REPS2: variants seen among roughly 807,000 people sequenced by gnomAD.
The protein encoded by REPS2 is RALBP1 associated Eps domain containing 2.
REPS2 carries 23 observed loss-of-function variants against 53.6 expected under a neutral mutation model. The observed-to-expected ratio is 0.43, with a 90% CI of 0.31 to 0.61. The LOEUF (loss-of-function observed/expected upper bound fraction) is 0.61, where lower values mean the gene tolerates loss of function less well. REPS2 is among the 20% of genes least tolerant of loss of function. The pLI, the probability that REPS2 is intolerant of heterozygous loss-of-function variation, is 0.11. For synonymous variants in REPS2, 238 were observed against 218.6 expected, an observed-to-expected ratio of 1.09 and a Z score of -0.78; for missense variants, 446 against 534.9, an observed-to-expected ratio of 0.83 and a Z score of 1.64.
chrX:17,125,943 C>A (rs1352569402), intron 14 of REPS2, among the ~76,000 whole-genome samples: 1 of 111,968 alleles, frequency 8.9e-6, no homozygotes, highest in Non-Finnish European at 1.9e-5. Flanking sequence ...TGCAGTGGCC[C>A]AGGTGATAAG....
intron 1 of REPS2, among the ~76,000 whole-genome samples, chrX:16,969,559 A>T (rs2060850769): frequency 9.1e-6 from 1 of 109,555 alleles, no homozygotes; most frequent in African/African-American, 3.3e-5. Flanking sequence ...CCCCGTCTCC[A>T]CCAAAAAAAT....
intron 6 of REPS2, among the ~76,000 whole-genome samples, chrX:17,051,068 A>G (rs762244576): frequency 9.0e-6 from 1 of 111,276 alleles, no homozygotes; most frequent in Non-Finnish European, 1.9e-5. Flanking sequence ...CCATGAGTTC[A>G]ATCATTTTGA....
At chrX:16,968,351 G>C (rs112075692) in intron 1 of REPS2, among the ~76,000 whole-genome samples, 5 of 112,884 alleles carry the variant, frequency 4.4e-5, no homozygotes, top group Admixed American at 2.8e-4. Context: ...TCAGTGAGCT[G>C]TTGGGTACAC....
intron 1 of REPS2, among the ~76,000 whole-genome samples, chrX:16,951,912 GT>G (rs1017290707): frequency 9.0e-6 from 1 of 110,912 alleles, no homozygotes; most frequent in Non-Finnish European, 1.9e-5. Flanking sequence ...TCTTATTGGA[GT>G]TTTCTTTTAA....
At chrX:16,986,071 A>G (rs767542313) in intron 1 of REPS2, among the ~76,000 whole-genome samples, 1 of 112,186 alleles carries the variant, frequency 8.9e-6, no homozygotes, top group East Asian at 2.8e-4. Flanking sequence ...AATTTTGAAA[A>G]TCCATTTCAA....
At chrX:17,122,835 GGGGAC>G (rs1204797750) in intron 14 of REPS2, among the ~76,000 whole-genome samples, 1 of 111,975 alleles carries the variant, frequency 8.9e-6, no homozygotes, top group Admixed American at 9.5e-5. Flanking sequence ...CAACCCAAAA[GGGGAC>G]ATTTATCACA....
the REPS2 span, among the ~76,000 whole-genome samples, chrX:17,161,144 A>G: frequency 9.0e-6 from 1 of 111,147 alleles, no homozygotes; most frequent in Non-Finnish European, 1.9e-5. Context: ...TATATTTTGC[A>G]TATGGAATAG....
the REPS2 span, among the ~76,000 whole-genome samples, chrX:17,163,889 C>G: frequency 8.9e-6 from 1 of 112,111 alleles, no homozygotes; most frequent in African/African-American, 3.2e-5. Context: ...AAGGTAACTA[C>G]ATAGGTAAAG....
chrX:17,146,923 A>T (rs2063521514), intron 17 of REPS2, among the ~76,000 whole-genome samples: 1 of 111,952 alleles, frequency 8.9e-6, no homozygotes, highest in African/African-American at 3.3e-5. Context: ...GTTGTGCAGA[A>T]ACTTGGATGA....
At chrX:17,135,739 G>A (rs752912560) in intron 16 of REPS2, 2 of 200,386 alleles carry the variant, frequency 1.0e-5, no homozygotes, top group African/African-American at 2.9e-5. Context: ...AGTATTGTAA[G>A]TGGCAATTTT....
Position 16,947,095 on chromosome X carries a change from G to A in REPS2, c.234G>A (p.Leu78=). The change falls in exon 1 of 18, where the codon CTG becomes CTA. Residue 78 remains leucine (L), a synonymous_variant. Transcript: ENST00000357277. ...CGGCCGCCGGCCCCGTGGCTGACCT[G>A]TTTCGGGCATCGCAGCTGCCCGCCG... ...ATAAAGPVAD[L]FRASQLPAET... The A allele has an allele frequency of 2.7e-6, 3 of 1,100,807 alleles. No homozygotes were observed. Among genetic ancestry groups the A allele is most frequent in the Middle Eastern group, 3.4e-4 (1 of 2,981 alleles). The allele number at this position is 1,100,807 out of a possible 1,213,427, so 90.7% of individuals were successfully genotyped here. A position where few individuals can be genotyped will look rare whatever the true frequency, so the allele number is the denominator to read the frequency against.
chrX:16,981,679 G>A (rs1449896391), intron 1 of REPS2, among the ~76,000 whole-genome samples: 2 of 111,990 alleles, frequency 1.8e-5, no homozygotes, highest in East Asian at 5.6e-4. Flanking sequence ...TGACAGTATC[G>A]ATTATCCTTA....
chrX:16,974,008 T>C (rs1158167600), intron 1 of REPS2, among the ~76,000 whole-genome samples: 1 of 111,635 alleles, frequency 9.0e-6, no homozygotes, highest in Non-Finnish European at 1.9e-5. Context: ...CTTTTATTCT[T>C]TAGTTTTGCA....
intron 11 of REPS2, 82 bp downstream of exon 11, chrX:17,070,075 T>C: frequency 2.3e-6 from 1 of 435,928 alleles, no homozygotes; most frequent in Non-Finnish European, 3.7e-6. Flanking sequence ...AGAAGATTGA[T>C]ACCTCTGTGA....
At chrX:17,073,948 T>A (rs1242516390) in intron 11 of REPS2, among the ~76,000 whole-genome samples, 166 bp from the exon 12 acceptor site, 1 of 110,381 alleles carries the variant, frequency 9.1e-6, no homozygotes, top group African/African-American at 3.3e-5. Flanking sequence ...TTTCTTTAGA[T>A]TTTGAAATAA....
At chrX:17,049,839 T>C (rs1453755401) in intron 6 of REPS2, among the ~76,000 whole-genome samples, 3 of 111,490 alleles carry the variant, frequency 2.7e-5, no homozygotes, top group African/African-American at 9.8e-5. Flanking sequence ...AAATAAATTT[T>C]AAAGTTTATG....
At position 16,946,753 on chromosome X, in the gene REPS2, T is replaced by TGGCGGTGGTGGC; in HGVS notation, c.-104_-103insTGGTGGCGGCGG. The TGGCGGTGGTGGC allele has an allele frequency of 1.4e-6, 1 of 725,398 alleles. No individual in the cohort carries two copies. The allele number at this position is 725,398 out of a possible 1,213,427, so 59.8% of individuals were successfully genotyped here. ...GGGGTGGTGGTGGCGGCGGCGGTGG[T>TGGCGGTGGTGGC]GGCGGCGGCGGCGGCGGCGGCAGCT... On this transcript the variant is annotated 5_prime_UTR_variant, in exon 1 of 18. Coordinates refer to ENST00000357277, the MANE Select transcript of REPS2 (RefSeq NM_004726.3).
chrX:17,099,602 A>G (rs950986897), intron 13 of REPS2, among the ~76,000 whole-genome samples: 2 of 111,493 alleles, frequency 1.8e-5, no homozygotes, highest in Non-Finnish European at 3.8e-5. Flanking sequence ...TGTGCAAACT[A>G]TACAGCTTGG....
intron 7 of REPS2, among the ~76,000 whole-genome samples, chrX:17,054,598 T>A (rs1377009012): frequency 8.9e-6 from 1 of 112,137 alleles, no homozygotes; most frequent in African/African-American, 3.2e-5. Context: ...TAAATTTTTA[T>A]TTATAAAATG....
Sources: gnomAD v4.1 joint callset for allele counts (sites outside exome capture counted in the v4.1 genomes callset) on GRCh38, gnomAD v4.1.1 for gene constraint, MANE v1.5 for transcripts, NCBI Gene and HGNC (gene_info 2026-07-23, HGNC 2026-07-21) for gene names.